The following MICAL2 variants were observed in gnomAD, a reference collection of about 807,000 sequenced individuals.
The protein encoded by MICAL2 is [F-actin]-monooxygenase MICAL2.
A neutral mutation model predicts 127.3 loss-of-function variants in MICAL2; 77 were observed. The observed-to-expected ratio is 0.60, with a 90% CI of 0.50 to 0.73. MICAL2 has a LOEUF of 0.73. Among genes scored for constraint, MICAL2 ranks in the 30% least tolerant of loss-of-function variants. MICAL2 has a pLI of 0.00. For missense variants in MICAL2, 1,351 were observed against 1,434.4 expected (o/e 0.94, Z 0.94); for synonymous variants, 570 against 551.1 (o/e 1.03, Z -0.48).
chr11:12,220,350 G>A lies in MICAL2; in HGVS notation c.1098G>A (p.Val366=), dbSNP rs1292283610. ...TGAACCACTATGGGCAGCCTGATGTGGCCATGTTTGACTTTACCTGCATGT... is the reference window on the plus strand; with the variant it reads ...TGAACCACTATGGGCAGCCTGATGTAGCCATGTTTGACTTTACCTGCATGT... ...FAMNHYGQPD[V]AMFDFTCMYA... is the part of the protein sequence containing the mutation. The change falls in exon 9 of 28, where the codon GTG becomes GTA. Residue 366 remains valine (V), a synonymous_variant. Coordinates refer to ENST00000683283, the MANE Select transcript of MICAL2 (RefSeq NM_001282663.2). 1 of 1,614,220 alleles carries A rather than the reference G, an allele frequency of 6.2e-7. No homozygotes were observed. Among genetic ancestry groups the A allele is most frequent in the Non-Finnish European group, 8.5e-7 (1 of 1,180,038 alleles).
intron 1 of MICAL2, among the ~76,000 whole-genome samples, chr11:12,120,226 G>T (rs7939041): frequency 0.18 from 26,845 of 152,154 alleles, 2,958 homozygotes; most frequent in East Asian, 0.31. Flanking sequence ...AAATACAGAA[G>T]TTAACTGGGA....
chr11:12,145,976 G>A (rs551663862), intron 2 of MICAL2, among the ~76,000 whole-genome samples: 68 of 152,282 alleles, frequency 4.5e-4, no homozygotes, highest in African/African-American at 1.6e-3. Context: ...GAAATTGGTG[G>A]TCTGTAATTC....
At chr11:12,132,561 C>G (rs562026050) in intron 1 of MICAL2, among the ~76,000 whole-genome samples, 1 of 152,262 alleles carries the variant, frequency 6.6e-6, no homozygotes, top group African/African-American at 2.4e-5. Context: ...CTCTCTGAAG[C>G]TGGCAGCTGG....
chr11:12,294,797 GCTCCTCCTCCTCCTCCTCCTC>G (rs3841216), downstream of MICAL2: 31 of 1,500,258 alleles, frequency 2.1e-5, no homozygotes, highest in African/African-American at 5.7e-5. Context: ...GCGCCAGGCA[GCTCCTCCTCCTCCTCCTCCTC>G]CTCCTCCTCC....
Position 12,263,745 on chromosome 11 carries a change from A to G in MICAL2, c.*203A>G, listed in dbSNP as rs1288036160. On this transcript the variant is annotated 3_prime_UTR_variant, in exon 28 of 28. Coordinates refer to ENST00000683283, the MANE Select transcript of MICAL2 (RefSeq NM_001282663.2). ...AACAATGTTTAGCTTTATTTATGGT[A>G]TTTGATGCTGTAAATGGAAATAAAT... The G allele has an allele frequency of 1.3e-5, 2 of 152,554 alleles. No individual in the cohort carries two copies. Among genetic ancestry groups the G allele is most frequent in the Non-Finnish European group, 2.9e-5 (2 of 67,994 alleles). The allele number at this position is 152,554 out of a possible 1,614,324, so 9.5% of individuals were successfully genotyped here.
chr11:12,202,261 C>T (rs1167320881), intron 3 of MICAL2, among the ~76,000 whole-genome samples: 4 of 152,194 alleles, frequency 2.6e-5, no homozygotes, highest in Non-Finnish European at 5.9e-5. Context: ...GGGCAGTTAC[C>T]TCTGCTGAAA....
intron 2 of MICAL2, among the ~76,000 whole-genome samples, chr11:12,159,403 CCTCCTGTGGTAGATGCAG>C (rs1854532797): frequency 6.6e-6 from 1 of 152,222 alleles, no homozygotes; most frequent in South Asian, 2.1e-4. Flanking sequence ...TACAAATCTG[CCTCCTGTGGTAGATGCAG>C]TGTGCGTTAC....
At chr11:12,144,280 A>G (rs1852656601) in intron 2 of MICAL2, among the ~76,000 whole-genome samples, 2 of 152,240 alleles carry the variant, frequency 1.3e-5, no homozygotes, top group East Asian at 1.9e-4. Flanking sequence ...CCAAGGAAAG[A>G]GTCCAATGTC....
At chr11:12,199,511 GCA>G (rs1860390419) in intron 3 of MICAL2, among the ~76,000 whole-genome samples, 3 of 152,170 alleles carry the variant, frequency 2.0e-5, no homozygotes, top group Admixed American at 6.5e-5. Context: ...CCCTGGCTTA[GCA>G]CTTGGTCCCC....
upstream of MICAL2, among the ~76,000 whole-genome samples, chr11:12,275,127 G>T (rs1213777134): frequency 6.6e-6 from 1 of 152,196 alleles, no homozygotes; most frequent in East Asian, 1.9e-4. Flanking sequence ...TGCTGGCGAG[G>T]TGTTGGCTGG....
At chr11:12,162,916 ATAGTTACAGAG>A (rs1855002413) in intron 3 of MICAL2, among the ~76,000 whole-genome samples, 2 of 152,186 alleles carry the variant, frequency 1.3e-5, no homozygotes, top group Non-Finnish European at 2.9e-5. Flanking sequence ...AGGGAGAGGC[ATAGTTACAGAG>A]TTGTGTTCGC....
intron 3 of MICAL2, among the ~76,000 whole-genome samples, chr11:12,199,705 T>C (rs1222575727): frequency 6.6e-6 from 1 of 152,186 alleles, no homozygotes; most frequent in Non-Finnish European, 1.5e-5. Context: ...GCCCAGTCCT[T>C]GTGTCCTGAC....
chr11:12,194,547 T>A (rs1859635317), intron 3 of MICAL2, among the ~76,000 whole-genome samples: 1 of 152,232 alleles, frequency 6.6e-6, no homozygotes, highest in Admixed American at 6.5e-5. Flanking sequence ...ACATGTAGGT[T>A]ACAACTGGCC....
At chr11:12,324,065 G>A (rs1864330005) in exon 31 of MICAL2, 1 of 1,609,680 alleles carries the variant, frequency 6.2e-7, no homozygotes, top group South Asian at 1.1e-5. Flanking sequence ...ACTCTATAAG[G>A]CTCAGGTCAG....
At chr11:12,290,668 C>T (rs1437639731), downstream of MICAL2, among the ~76,000 whole-genome samples, 2 of 152,168 alleles carry the variant, frequency 1.3e-5, no homozygotes, top group African/African-American at 4.8e-5. Context: ...TCCTTCCTGC[C>T]GCCCTCAGAT....
At chr11:12,287,646 C>T (rs1863842836), downstream of MICAL2, among the ~76,000 whole-genome samples, 1 of 152,148 alleles carries the variant, frequency 6.6e-6, no homozygotes, top group Non-Finnish European at 1.5e-5. Flanking sequence ...CCTACACATA[C>T]ACACACATAC....
Position 12,348,205 on chromosome 11 carries a change from T to C in MICAL2, c.5516-1633T>C, listed in dbSNP as rs114353319. On this transcript the variant is annotated intron_variant, in intron 32 of 34. Coordinates refer to the MICAL2 transcript ENST00000646065. ...AGTATTTGCATATAACCTGTGTACATCTTCCCATATTTTAAAATCATCTCT... is the reference window on the plus strand; with the variant it reads ...AGTATTTGCATATAACCTGTGTACACCTTCCCATATTTTAAAATCATCTCT... Among the ~76,000 whole-genome samples the C allele has an allele frequency of 8.8e-3, 1,302 of 147,834 alleles. 25 individuals are homozygous for C. The highest frequency in any genetic ancestry group is 0.03 in the African/African-American group (1,224 of 40,270).
At chr11:12,203,605 G>A (rs2134121257) in intron 3 of MICAL2, among the ~76,000 whole-genome samples, 1 of 152,210 alleles carries the variant, frequency 6.6e-6, no homozygotes, top group Non-Finnish European at 1.5e-5. Flanking sequence ...CTTTAGTGGG[G>A]CTATTTGTAT....
intron 3 of MICAL2, among the ~76,000 whole-genome samples, chr11:12,175,347 G>C (rs999090559): frequency 3.9e-5 from 6 of 152,004 alleles, no homozygotes; most frequent in African/African-American, 1.2e-4. Context: ...GTGGTGGTGG[G>C]TGCCTGTAAT....
Sources: gnomAD v4.1 joint callset for allele counts (sites outside exome capture counted in the v4.1 genomes callset) on GRCh38, gnomAD v4.1.1 for gene constraint, MANE v1.5 for transcripts, NCBI Gene and HGNC (gene_info 2026-07-23, HGNC 2026-07-21) for gene names.